IHO1: variants seen among roughly 807,000 people sequenced by gnomAD.
IHO1 encodes the protein interactor of HORMAD1 1.
IHO1 carries 13 observed loss-of-function variants against 31.0 expected under a neutral mutation model. The observed-to-expected ratio is 0.42, with a 90% confidence interval of 0.27 to 0.67. The LOEUF is 0.67. Ranked by LOEUF, IHO1 falls within the 30% of genes least tolerant of loss-of-function variation. The pLI, the probability that IHO1 is intolerant of heterozygous loss-of-function variation, is 0.24. For missense variants in IHO1, 599 were observed against 687.5 expected, an observed-to-expected ratio of 0.87 and a Z score of 1.44; for synonymous variants, 221 against 248.4, an observed-to-expected ratio of 0.89 and a Z score of 1.04.
intron 6 of IHO1, 99 bp downstream of exon 6, chr3:49,244,832 C>A: frequency 9.8e-7 from 1 of 1,023,264 alleles, no homozygotes; most frequent in Non-Finnish European, 1.5e-6. Context: ...AGGTTCCTCA[C>A]AGGGTTTCAG....
At chr3:49,221,866 G>T (rs546432737) in intron 2 of IHO1, among the ~76,000 whole-genome samples, 3 of 152,344 alleles carry the variant, frequency 2.0e-5, no homozygotes, top group African/African-American at 7.2e-5. Flanking sequence ...AACTCCAGAG[G>T]CTGGTATAAG....
At chr3:49,219,564 T>G (rs1358096521) in intron 2 of IHO1, among the ~76,000 whole-genome samples, 1 of 152,226 alleles carries the variant, frequency 6.6e-6, no homozygotes, top group African/African-American at 2.4e-5. Flanking sequence ...TGATTTCCCT[T>G]TCCACACTCT....
intron 2 of IHO1, among the ~76,000 whole-genome samples, chr3:49,222,844 C>T (rs367628381): frequency 4.2e-4 from 64 of 152,148 alleles, no homozygotes; most frequent in African/African-American, 1.1e-3. Context: ...CTGCAGGTTC[C>T]GCAGGGGGTG....
At chr3:49,211,311 A>G (rs1252198773) in intron 1 of IHO1, among the ~76,000 whole-genome samples, 1 of 152,182 alleles carries the variant, frequency 6.6e-6, no homozygotes. Context: ...CCCGGCTTCC[A>G]TTTAGTTCTA....
At chr3:49,237,887 CTTTTTTTTTTTTTT>C (rs574951773) in intron 3 of IHO1, among the ~76,000 whole-genome samples, 9 of 51,440 alleles carry the variant, frequency 1.7e-4, no homozygotes, top group South Asian at 1.1e-3. Flanking sequence ...CTGTCTTTTC[CTTTTTTTTTTTTTT>C]TTTTTTTTTT....
chr3:49,219,892 G>A (rs982633531), intron 2 of IHO1, among the ~76,000 whole-genome samples: 1 of 152,210 alleles, frequency 6.6e-6, no homozygotes. Context: ...AATAGAAGAG[G>A]TAATGGAGCA....
At chr3:49,236,381 T>C (rs1185694766) in intron 2 of IHO1, among the ~76,000 whole-genome samples, 167 bp from the exon 3 acceptor site, 3 of 152,236 alleles carry the variant, frequency 2.0e-5, no homozygotes, top group Non-Finnish European at 4.4e-5. Context: ...ATGTGTGGTA[T>C]TCAGAATTTC....
intron 2 of IHO1, among the ~76,000 whole-genome samples, chr3:49,218,376 CTT>C (rs34312848): frequency 4.8e-4 from 51 of 105,804 alleles, no homozygotes; most frequent in Non-Finnish European, 6.1e-4. Flanking sequence ...CAGTTAATAC[CTT>C]TTTTTTTTTT....
At chr3:49,253,944 A>G (rs1559453981) in intron 6 of IHO1, among the ~76,000 whole-genome samples, 1 of 145,174 alleles carries the variant, frequency 6.9e-6, no homozygotes, top group Non-Finnish European at 1.5e-5. Flanking sequence ...AGCAATTCTC[A>G]TGCCTCAGCC....
At chr3:49,221,450 A>T (rs1254543443) in intron 2 of IHO1, among the ~76,000 whole-genome samples, 1 of 152,248 alleles carries the variant, frequency 6.6e-6, no homozygotes, top group Admixed American at 6.5e-5. Flanking sequence ...TCCTCTAGCT[A>T]GGCAGAAAAG....
At chr3:49,194,464 T>G (rs1451561133), upstream of IHO1, among the ~76,000 whole-genome samples, 12 of 146,276 alleles carry the variant, frequency 8.2e-5, no homozygotes, top group Admixed American at 2.7e-4. Flanking sequence ...CCACCCCGCC[T>G]GGCTAATTTT....
At chr3:49,212,379 G>A (rs1399843717) in intron 2 of IHO1, among the ~76,000 whole-genome samples, 2 of 151,660 alleles carry the variant, frequency 1.3e-5, no homozygotes, top group Non-Finnish European at 2.9e-5. Flanking sequence ...AGCCAGGCAA[G>A]GTGGTGTGCA....
intron 1 of IHO1, among the ~76,000 whole-genome samples, chr3:49,207,919 G>A (rs1388182468): frequency 2.6e-5 from 4 of 151,876 alleles, no homozygotes; most frequent in South Asian, 4.1e-4. Context: ...GACTACAGGC[G>A]CCTGCCACCA....
chr3:49,196,701 C>T (rs182453880), upstream of IHO1, among the ~76,000 whole-genome samples: 3 of 148,260 alleles, frequency 2.0e-5, no homozygotes, highest in Admixed American at 1.4e-4. Context: ...GACCGAGTCT[C>T]GCTCTGTCAC....
chr3:49,250,363 C>T (rs2046744873), intron 6 of IHO1, among the ~76,000 whole-genome samples: 2 of 152,136 alleles, frequency 1.3e-5, no homozygotes, highest in East Asian at 3.9e-4. Context: ...GATACAAAAG[C>T]TCCTATAAAA....
At chr3:49,219,766 G>C (rs2046330601) in intron 2 of IHO1, among the ~76,000 whole-genome samples, 1 of 152,226 alleles carries the variant, frequency 6.6e-6, no homozygotes, top group Admixed American at 6.5e-5. Flanking sequence ...CCTGTGGTGA[G>C]TAAGAAGGGG....
At chr3:49,232,312 T>C (rs920447512) in intron 2 of IHO1, among the ~76,000 whole-genome samples, 1 of 152,186 alleles carries the variant, frequency 6.6e-6, no homozygotes, top group Non-Finnish European at 1.5e-5. Context: ...CCATATACAA[T>C]TGAATCTAGC....
chr3:49,200,128 T>C (rs1189702943), intron 1 of IHO1, among the ~76,000 whole-genome samples: 4 of 152,126 alleles, frequency 2.6e-5, no homozygotes, highest in Non-Finnish European at 4.4e-5. Flanking sequence ...TAGAACTTTC[T>C]GCAGTGGAGG....
chr3:49,197,084 G>A (rs569597508), upstream of IHO1, among the ~76,000 whole-genome samples: 1 of 140,760 alleles, frequency 7.1e-6, no homozygotes, highest in South Asian at 2.3e-4. Context: ...AGGTTCAAAC[G>A]ATTCTCCTGC....
Sources: allele counts gnomAD v4.1 joint callset (sites outside exome capture counted in the v4.1 genomes callset), GRCh38; gene constraint gnomAD v4.1.1; transcripts MANE v1.5; gene names NCBI Gene and HGNC (gene_info 2026-07-23, HGNC 2026-07-21).